Variants in RRM1 observed in about 807,000 individuals in gnomAD.
RRM1 encodes ribonucleotide reductase catalytic subunit M1.
Under a neutral mutation model 101.5 loss-of-function variants are expected in RRM1, and 19 were observed. That is an observed-to-expected ratio of 0.19 (90% CI 0.13 to 0.27). The LOEUF (loss-of-function observed/expected upper bound fraction) is 0.27. Ranked by LOEUF, RRM1 falls within the 10% of genes least tolerant of loss-of-function variation. The probability of loss-of-function intolerance (pLI) is 1.00; values close to 1 mark genes in which losing one functional copy is unlikely to be tolerated. For missense variants in RRM1, 500 were observed against 962.9 expected (o/e 0.52, Z 6.36); for synonymous variants, 298 against 323.4 (o/e 0.92, Z 0.84).
At chr11:4,121,981 A>G (rs765941606) in intron 10 of RRM1, 160 bp from the exon 11 acceptor site, 2 of 676,406 alleles carry the variant, frequency 3.0e-6, no homozygotes, top group Non-Finnish European at 5.0e-6. Flanking sequence ...ATGTATAAAC[A>G]GGCAGACCTA....
chr11:4,095,266 A>C (rs1438518061), intron 1 of RRM1, among the ~76,000 whole-genome samples: 1 of 152,222 alleles, frequency 6.6e-6, no homozygotes, highest in Non-Finnish European at 1.5e-5. Flanking sequence ...GCCGCCTTTC[A>C]AAAGGATAAC....
intron 1 of RRM1, among the ~76,000 whole-genome samples, chr11:4,095,538 A>G (rs1456227187): frequency 2.6e-5 from 4 of 152,182 alleles, no homozygotes; most frequent in Non-Finnish European, 4.4e-5. Flanking sequence ...TACCCTCCGT[A>G]GGCACTTGTC....
Position 4,118,395 on chromosome 11 carries a change from T to G in RRM1, c.726T>G (p.Ser242=). 2 of 1,614,118 alleles carry G rather than the reference T, an allele frequency of 1.2e-6. No homozygotes were observed. The highest frequency in any genetic ancestry group is 1.7e-6 in the Non-Finnish European group (2 of 1,179,972). ...CTCTAAAGCAATGTGCATTGATTTC[T>G]AAGTCTGCTGGAGGAATTGGTGTTG... ...YDTLKQCALI[S]KSAGGIGVAV... The change falls in exon 8 of 19, where the codon TCT becomes TCG. Residue 242 remains serine, a synonymous_variant. Coordinates refer to ENST00000300738, the MANE Select transcript of RRM1 (RefSeq NM_001033.5).
At chr11:4,105,462 C>G in intron 2 of RRM1, 4 of 342,524 alleles carry the variant, frequency 1.2e-5, no homozygotes, top group South Asian at 9.0e-5. Flanking sequence ...AACTCCTGGG[C>G]TCAAGCGAGC....
intron 15 of RRM1, among the ~76,000 whole-genome samples, chr11:4,131,430 G>GT (rs2094600125): frequency 6.6e-6 from 1 of 152,218 alleles, no homozygotes; most frequent in South Asian, 2.1e-4. Context: ...GCTAAGCACT[G>GT]TATGAATCCA....
chr11:4,128,800 ATG>A (rs1279959424), intron 14 of RRM1, among the ~76,000 whole-genome samples: 2 of 152,334 alleles, frequency 1.3e-5, no homozygotes, highest in African/African-American at 4.8e-5. Context: ...AAAAAAGAGA[ATG>A]TGTCAGCCAC....
intron 15 of RRM1, 61 bp downstream of exon 15, chr11:4,129,211 C>A: frequency 1.1e-6 from 1 of 946,790 alleles, no homozygotes; most frequent in South Asian, 1.5e-5. Flanking sequence ...CCTTCTGGAT[C>A]TTCAGAAGTT....
chr11:4,134,657 G>A (rs899626489), intron 17 of RRM1, among the ~76,000 whole-genome samples: 9 of 152,118 alleles, frequency 5.9e-5, no homozygotes, highest in African/African-American at 2.2e-4. Flanking sequence ...TATTTAAAGG[G>A]TTTTATCTCA....
chr11:4,120,346 G>T (rs2094579730), intron 9 of RRM1, among the ~76,000 whole-genome samples: 1 of 151,830 alleles, frequency 6.6e-6, no homozygotes, highest in South Asian at 2.1e-4. Flanking sequence ...CTTGAAATGG[G>T]GTTGTAACAT....
rs754535019 is a variant in RRM1 at position 4,111,603 on chromosome 11, G to T, written c.450G>T (p.Thr150=). Residue 150 remains threonine (T), a splice_region_variant and synonymous_variant, in exon 6 of 19, where the codon ACG becomes ACT. Transcript: ENST00000300738. The part of the protein sequence containing the change: ...DFSYNYFGFK[T]LERSYLLKIN... The stretch of plus-strand genomic sequence containing the variant: ...TTTTGTTGTTTCTCTCTTTCTAGAC[G>T]CTAGAGCGGTCTTATTTGTTGAAGA... 2 of 1,602,808 alleles carry T rather than the reference G, an allele frequency of 1.2e-6. No homozygotes were observed. The highest frequency in any genetic ancestry group is 2.2e-5 in the East Asian group (1 of 44,682).
intron 7 of RRM1, 126 bp from the exon 8 acceptor site, chr11:4,118,194 A>G (rs1467386972): frequency 5.4e-6 from 5 of 933,370 alleles, no homozygotes; most frequent in Non-Finnish European, 8.1e-6. Flanking sequence ...TTTGAAAATC[A>G]TTTAGGAACT....
At chr11:4,115,677 C>T (rs2094571962) in intron 7 of RRM1, among the ~76,000 whole-genome samples, 1 of 152,070 alleles carries the variant, frequency 6.6e-6, no homozygotes, top group Admixed American at 6.5e-5. Flanking sequence ...CTGCCTCAGC[C>T]TCCTGAGTAG....
intron 17 of RRM1, among the ~76,000 whole-genome samples, 166 bp from the exon 18 acceptor site, chr11:4,134,916 A>C (rs1205644252): frequency 2.0e-5 from 3 of 152,242 alleles, no homozygotes; most frequent in Non-Finnish European, 4.4e-5. Context: ...TCAACTTTCT[A>C]AATAGTCTTG....
At chr11:4,108,903 T>C (rs1327217189) in intron 4 of RRM1, among the ~76,000 whole-genome samples, 1 of 152,192 alleles carries the variant, frequency 6.6e-6, no homozygotes, top group Non-Finnish European at 1.5e-5. Context: ...GTTTTTCTAG[T>C]CCTTAGATAT....
At chr11:4,129,285 C>A in intron 15 of RRM1, 135 bp downstream of exon 15, 2 of 523,754 alleles carry the variant, frequency 3.8e-6, no homozygotes, top group Non-Finnish European at 6.8e-6. Context: ...GCCTATCTCA[C>A]AAAACTATTT....
intron 1 of RRM1, among the ~76,000 whole-genome samples, chr11:4,097,401 T>G (rs1263553166): frequency 2.0e-5 from 3 of 152,002 alleles, no homozygotes; most frequent in Non-Finnish European, 4.4e-5. Context: ...CTGTAGATTC[T>G]GCCATTGTAG....
intron 15 of RRM1, among the ~76,000 whole-genome samples, chr11:4,130,298 C>T (rs970481380): frequency 6.6e-5 from 10 of 151,424 alleles, no homozygotes; most frequent in African/African-American, 1.2e-4. Context: ...ATTCTTTTTC[C>T]CAGAGATAAG....
At chr11:4,128,838 C>G (rs2094594191) in intron 14 of RRM1, among the ~76,000 whole-genome samples, 1 of 152,098 alleles carries the variant, frequency 6.6e-6, no homozygotes, top group Non-Finnish European at 1.5e-5. Context: ...TTAGAGTTTT[C>G]TGGTTTGTAG....
rs755804750 is a variant in RRM1 at position 4,129,115 on chromosome 11, A to G, written c.1734A>G (p.Leu578=). 1.2e-6 allele frequency: 2 copies of G among 1,606,192 alleles called. No individual in the cohort carries two copies. The highest frequency in any genetic ancestry group is 2.2e-5 in the East Asian group (1 of 44,704). The change falls in exon 15 of 19, where the codon CTA becomes CTG. Residue 578 remains leucine (L), a synonymous_variant. Coordinates refer to ENST00000300738, the MANE Select transcript of RRM1 (RefSeq NM_001033.5). The part of the protein sequence containing the change: ...YDMWNVTPTD[L]WDWKVLKEKI... ...TGTGGAATGTTACTCCTACAGACCT[A>G]TGGGACTGGAAGGTTCTCAAGGAGA...
Sources: allele counts gnomAD v4.1 joint callset (sites outside exome capture counted in the v4.1 genomes callset), GRCh38; gene constraint gnomAD v4.1.1; transcripts MANE v1.5; gene names NCBI Gene and HGNC (gene_info 2026-07-23, HGNC 2026-07-21).